Variants in TRAM1 observed in about 807,000 individuals in gnomAD.
The protein encoded by TRAM1 is translocation associated membrane protein 1.
A neutral mutation model predicts 48.7 loss-of-function variants in TRAM1; 17 were observed. The observed-to-expected ratio is 0.35, with a 90% CI of 0.24 to 0.52. The LOEUF (loss-of-function observed/expected upper bound fraction) is 0.52. Among genes scored for constraint, TRAM1 ranks in the 20% least tolerant of loss-of-function variants. The probability of loss-of-function intolerance (pLI) is 0.94; values close to 1 mark genes in which losing one functional copy is unlikely to be tolerated. For missense variants in TRAM1, 351 were observed against 441.5 expected (o/e 0.79, Z 1.84); for synonymous variants, 182 against 154.0 (o/e 1.18, Z -1.34).
In TRAM1 at chr8:70,574,424, A is replaced by C. The variant is rs1188279213; in HGVS notation, c.*508T>G. On this transcript the variant is annotated 3_prime_UTR_variant, in exon 11 of 11. Transcript: ENST00000262213. ...ACACAATTGTTCCGGTGATTTTACA[A>C]ATCTTTTTTTCCAGGTGTAAAGTCT... The C allele has an allele frequency of 4.5e-6, 1 of 220,770 alleles. No homozygotes were observed. Among genetic ancestry groups the C allele is most frequent in the African/African-American group, 2.4e-5 (1 of 41,956 alleles). The allele number at this position is 220,770 out of a possible 1,614,324, so 13.7% of individuals were successfully genotyped here.
chr8:70,584,016 A>T (rs1817145644), intron 8 of TRAM1, among the ~76,000 whole-genome samples: 1 of 152,128 alleles, frequency 6.6e-6, no homozygotes. Context: ...TCCATCTCAA[A>T]AAAATAAATA....
rs575318146 is a variant in TRAM1 at position 70,603,506 on chromosome 8, C to A, written c.124-3424G>T. 5.9e-5 allele frequency among the ~76,000 whole-genome samples: 9 copies of A among 152,266 alleles called. No individual in the cohort carries two copies. The East Asian group carries it at 1.7e-3, about 29-fold the overall frequency. On this transcript the variant is annotated intron_variant, in intron 1 of 10. Transcript: ENST00000262213. ...CCAAGGTGGCTGGCTCACCTGAGGT[C>A]AGGAGTTCAAGACCAGCCTGGCCAA...
intron 10 of TRAM1, among the ~76,000 whole-genome samples, chr8:70,578,255 T>G: frequency 6.6e-6 from 1 of 152,174 alleles, no homozygotes; most frequent in Non-Finnish European, 1.5e-5. Context: ...ACTACAGGCA[T>G]GCACCACGAT....
In TRAM1 at chr8:70,598,271, G is replaced by T; in HGVS notation, c.188-16C>A. ...GCTTGTTCTTCTGAAGACCAAAAAG[G>T]ACACAAATACACAAAAATATACACA... is the stretch of plus-strand genomic sequence containing the variant. On this transcript the variant is annotated splice_polypyrimidine_tract_variant and intron_variant, in intron 2 of 10. Coordinates refer to ENST00000262213, the MANE Select transcript of TRAM1 (RefSeq NM_014294.6). The T allele has an allele frequency of 6.3e-7, 1 of 1,596,692 alleles. No individual in the cohort carries two copies. The highest frequency in any genetic ancestry group is 1.1e-5 in the South Asian group (1 of 88,348).
chr8:70,596,595 C>T (rs1231217097), intron 4 of TRAM1, among the ~76,000 whole-genome samples: 1 of 151,956 alleles, frequency 6.6e-6, no homozygotes, highest in African/African-American at 2.4e-5. Flanking sequence ...AATAAAAATA[C>T]ACGTACACAA....
chr8:70,576,753 A>G (rs905288631), intron 10 of TRAM1, among the ~76,000 whole-genome samples: 50 of 152,232 alleles, frequency 3.3e-4, no homozygotes, highest in African/African-American at 1.0e-3. Flanking sequence ...TGCTCCACAT[A>G]GCTAGCAGGA....
chr8:70,597,900 T>C lies in TRAM1; in HGVS notation c.421A>G (p.Ile141Val). ...ACCTAAGAGGACATACTTACAGAGA[T>C]GAGAATGAATGTGCCCCAAACACAG... ...FACVWGTFIL[I>V]SENYISDPTI... Residue 141 changes from isoleucine (I) to valine (V), a missense_variant, in exon 4 of 11, where the codon ATC (isoleucine) becomes GTC (valine). Transcript: ENST00000262213. The C allele has an allele frequency of 6.3e-7, 1 of 1,590,344 alleles. No individual in the cohort carries two copies. Among genetic ancestry groups the C allele is most frequent in the East Asian group, 2.3e-5 (1 of 44,192 alleles).
At chr8:70,587,244 G>C in intron 6 of TRAM1, 68 bp from the exon 7 acceptor site, 1 of 1,498,806 alleles carries the variant, frequency 6.7e-7, no homozygotes, top group Non-Finnish European at 9.1e-7. Context: ...TAAGAGGTGT[G>C]GTCTTGCTAT....
At chr8:70,595,323 G>A (rs1200263423) in intron 5 of TRAM1, among the ~76,000 whole-genome samples, 1 of 149,258 alleles carries the variant, frequency 6.7e-6, no homozygotes, top group Non-Finnish European at 1.5e-5. Flanking sequence ...GGGGTGGAGA[G>A]AATACAGTCC....
chr8:70,596,819 TAA>T (rs34126420), intron 4 of TRAM1, among the ~76,000 whole-genome samples: 57 of 122,420 alleles, frequency 4.7e-4, no homozygotes, highest in Admixed American at 5.2e-4. Context: ...ACTGCATATG[TAA>T]AAAAAAAAAA....
chr8:70,596,180 A>AAG (rs1466067491), intron 5 of TRAM1, 83 bp downstream of exon 5: 1 of 1,179,846 alleles, frequency 8.5e-7, no homozygotes, highest in Non-Finnish European at 1.2e-6. Context: ...TAAGGTCCTA[A>AAG]AGAGAATAAC....
At position 70,579,453 on chromosome 8, in the gene TRAM1, T is replaced by C. The variant is rs546562354; in HGVS notation, c.1051+3711A>G. Among the ~76,000 whole-genome samples, 66 of 152,340 alleles carry C rather than the reference T, an allele frequency of 4.3e-4. 2 individuals carry two copies. In the South Asian group the frequency reaches 0.014, roughly 32 times the overall value. ...CATTATTTAGCACGTAACTATATAG[T>C]TTGAAACTACCCCTGGTTTCAGGCA... On this transcript the variant is annotated intron_variant, in intron 10 of 10. Coordinates refer to ENST00000262213, the MANE Select transcript of TRAM1 (RefSeq NM_014294.6).
intron 4 of TRAM1, 68 bp from the exon 5 acceptor site, chr8:70,596,389 T>C: frequency 8.3e-7 from 1 of 1,212,042 alleles, no homozygotes; most frequent in Non-Finnish European, 1.2e-6. Flanking sequence ...AAGGCATTAC[T>C]TTCATTTCTC....
intron 10 of TRAM1, among the ~76,000 whole-genome samples, chr8:70,575,833 T>C (rs557880928): frequency 6.6e-6 from 1 of 151,718 alleles, no homozygotes; most frequent in East Asian, 1.9e-4. Context: ...TCCCAGCACT[T>C]TGGGAGGCTG....
chr8:70,575,599 CCTT>C (rs1178009518), intron 10 of TRAM1, among the ~76,000 whole-genome samples: 1 of 151,934 alleles, frequency 6.6e-6, no homozygotes, highest in Non-Finnish European at 1.5e-5. Flanking sequence ...ATAGTAATGG[CCTT>C]CTTCAAGCTA....
At chr8:70,606,000 C>T (rs190514444) in intron 1 of TRAM1, among the ~76,000 whole-genome samples, 3 of 152,288 alleles carry the variant, frequency 2.0e-5, no homozygotes, top group East Asian at 3.9e-4. Context: ...TCATTCAAAG[C>T]ACTGCAAATA....
rs1817572124 is a variant in TRAM1 at position 70,600,019 on chromosome 8, C to T, written c.187G>A (p.Glu63Lys). 6.2e-7 allele frequency: 1 copy of T among 1,613,092 alleles called. No homozygotes were observed. Among genetic ancestry groups the T allele is most frequent in the Middle Eastern group, 1.7e-4 (1 of 6,052 alleles). ...AAAATTCTTAGCGTAAATTACCTACCTGTTGCTGGGAGGGTGACATTGTAC... is the reference window on the plus strand; with the variant it reads ...AAAATTCTTAGCGTAAATTACCTACTTGTTGCTGGGAGGGTGACATTGTAC... ...LQYNVTLPAT[E>K]EQATESVSLY... is the part of the protein sequence containing the mutation. The change falls in exon 2 of 11, where the codon GAA (glutamate) becomes AAA (lysine). Residue 63 changes from glutamate (E) to lysine (K), a missense_variant and splice_region_variant. Coordinates refer to ENST00000262213, the MANE Select transcript of TRAM1 (RefSeq NM_014294.6).
Position 70,583,299 on chromosome 8 carries a change from C to G in TRAM1, c.916G>C (p.Val306Leu), listed in dbSNP as rs61758085. The change falls in exon 10 of 11, where the codon GTT becomes CTT. Residue 306 changes from valine (V) to leucine (L), a missense_variant. Val to Leu is a conservative substitution (Grantham distance 32). Coordinates refer to ENST00000262213, the MANE Select transcript of TRAM1 (RefSeq NM_014294.6). Reference sequence around the variant, plus strand: ...TTCCACATCATAAATGCCTGAGTAACGCAAATGGATGCCAGAACAGCGATT... The same window carrying G: ...TTCCACATCATAAATGCCTGAGTAAGGCAAATGGATGCCAGAACAGCGATT... Reference protein sequence around the residue: ...VRIAVLASICVTQAFMMWKFI... With the variant: ...VRIAVLASICLTQAFMMWKFI... 6.2e-7 allele frequency: 1 copy of G among 1,613,554 alleles called. No homozygotes were observed. Among genetic ancestry groups the G allele is most frequent in the South Asian group, 1.1e-5 (1 of 90,948 alleles).
chr8:70,575,892 C>T (rs888926623), intron 10 of TRAM1, among the ~76,000 whole-genome samples: 6 of 151,800 alleles, frequency 4.0e-5, no homozygotes, highest in East Asian at 1.9e-4. Flanking sequence ...GCCTGGCCAA[C>T]GTGGTGAAAT....
Sources: gnomAD v4.1 joint callset for allele counts (sites outside exome capture counted in the v4.1 genomes callset) on GRCh38, gnomAD v4.1.1 for gene constraint, MANE v1.5 for transcripts, NCBI Gene and HGNC (gene_info 2026-07-23, HGNC 2026-07-21) for gene names.